Variants in NME5 observed in about 807,000 individuals in gnomAD.
The protein encoded by NME5 is nucleoside diphosphate kinase 5.
In NME5, 18 loss-of-function variants were observed where a neutral mutation model predicts 21.6. The ratio of observed to expected loss-of-function variants is 0.83; its 90% CI spans 0.58 to 1.24. The LOEUF (loss-of-function observed/expected upper bound fraction) is 1.24, where lower values mean the gene tolerates loss of function less well. Ranked by LOEUF, NME5 falls within the 50% of genes most tolerant of loss-of-function variation. The pLI, the probability that NME5 is intolerant of heterozygous loss-of-function variation, is 0.00. For synonymous variants in NME5, 70 were observed against 80.6 expected, an observed-to-expected ratio of 0.87 and a Z score of 0.71; for missense variants, 223 against 255.4, an observed-to-expected ratio of 0.87 and a Z score of 0.86.
chr5:138,138,856 C>T, intron 1 of NME5, 71 bp from the exon 2 acceptor site: 1 of 1,373,698 alleles, frequency 7.3e-7, no homozygotes, highest in South Asian at 1.3e-5. Flanking sequence ...CCCCCACCCC[C>T]ATCGCAAATT....
In NME5 at chr5:138,126,510, CAAAAAAAAA is replaced by C. The variant is rs57938582; in HGVS notation, c.436+1960_436+1968del. Among the ~76,000 whole-genome samples the C allele has an allele frequency of 1.3e-3, 70 of 54,228 alleles. 1 individual carries two copies. Among genetic ancestry groups the C allele is most frequent in the East Asian group, 2.4e-3 (4 of 1,676 alleles). 35.6% of individuals were successfully genotyped at this position (54,228 alleles called of 152,430 possible). ...TGGGCAACAGAGTGAGAATCTATCT[CAAAAAAAAA>C]AAAAAAAAAAAAAAAAAGAAAGAAA... is the stretch of plus-strand genomic sequence containing the variant. On this transcript the variant is annotated intron_variant, in intron 4 of 5. Coordinates refer to ENST00000265191, the MANE Select transcript of NME5 (RefSeq NM_003551.3).
chr5:138,136,178 C>G (rs981126060), intron 2 of NME5, among the ~76,000 whole-genome samples: 2 of 152,236 alleles, frequency 1.3e-5, no homozygotes, highest in African/African-American at 4.8e-5. Flanking sequence ...CAGGCACCTA[C>G]TGATGGGACT....
intron 5 of NME5, among the ~76,000 whole-genome samples, chr5:138,118,165 G>A (rs1353104716): frequency 2.7e-5 from 4 of 150,240 alleles, no homozygotes; most frequent in East Asian, 2.0e-4. Context: ...TCGCTCTGTT[G>A]CCCAGGCTGG....
intron 2 of NME5, among the ~76,000 whole-genome samples, chr5:138,132,247 G>A (rs2151167861): frequency 6.6e-6 from 1 of 152,278 alleles, no homozygotes; most frequent in African/African-American, 2.4e-5. Context: ...TTAATCGGGA[G>A]GCTGAGGCAC....
rs70979583 is a variant in NME5, at chr5:138,123,985, C to CTTT, written c.436+4491_436+4493dup. On this transcript the variant is annotated intron_variant, in intron 4 of 5. Coordinates refer to ENST00000265191, the MANE Select transcript of NME5 (RefSeq NM_003551.3). ...CCCTGATGATTAGTGATTTTGAGCACTTTTTTTTTTTTTTTTTTTTTTTTT... is the reference window on the plus strand; with the variant it reads ...CCCTGATGATTAGTGATTTTGAGCACTTTTTTTTTTTTTTTTTTTTTTTTTTTT... Among the ~76,000 whole-genome samples, 185 of 37,256 alleles carry CTTT rather than the reference C, an allele frequency of 5.0e-3. 61 individuals are homozygous for CTTT. Among genetic ancestry groups the CTTT allele is most frequent in the Middle Eastern group, 0.028 (1 of 36 alleles). 24.4% of individuals were successfully genotyped at this position (37,256 alleles called of 152,430 possible). A position where few individuals can be genotyped will look rare whatever the true frequency, so the allele number is the denominator to read the frequency against.
At chr5:138,132,209 A>T (rs1048699937) in intron 2 of NME5, among the ~76,000 whole-genome samples, 5 of 152,016 alleles carry the variant, frequency 3.3e-5, no homozygotes, top group Admixed American at 1.3e-4. Flanking sequence ...AAAATACAAA[A>T]ATTGGTGGTG....
chr5:138,138,439 T>G (rs1751767439), intron 2 of NME5: 1 of 433,382 alleles, frequency 2.3e-6, no homozygotes, highest in Admixed American at 4.3e-5. Context: ...GCCTGGGACT[T>G]GGGGTAAAAG....
chr5:138,136,141 C>T (rs962554761), intron 2 of NME5, among the ~76,000 whole-genome samples: 2 of 152,138 alleles, frequency 1.3e-5, no homozygotes, highest in Non-Finnish European at 2.9e-5. Context: ...AAAAAATAAC[C>T]TGCATATATA....
At chr5:138,122,113 C>T (rs1751296798) in intron 4 of NME5, among the ~76,000 whole-genome samples, 1 of 152,016 alleles carries the variant, frequency 6.6e-6, no homozygotes, top group African/African-American at 2.4e-5. Flanking sequence ...CTTTGTTTTT[C>T]AGTGTACAAG....
At chr5:138,130,722 C>G (rs1227632908) in intron 2 of NME5, among the ~76,000 whole-genome samples, 1 of 148,200 alleles carries the variant, frequency 6.7e-6, no homozygotes. Context: ...GTCAGGAGTT[C>G]GAGACTAGCC....
At chr5:138,123,654 G>A (rs1751335305) in intron 4 of NME5, among the ~76,000 whole-genome samples, 1 of 152,072 alleles carries the variant, frequency 6.6e-6, no homozygotes, top group African/African-American at 2.4e-5. Context: ...TGGTTATTGT[G>A]AATAATGCCA....
chr5:138,127,669 C>T lies in NME5; in HGVS notation c.436+810G>A, dbSNP rs931714333. On this transcript the variant is annotated intron_variant, in intron 4 of 5. Transcript: ENST00000265191. ...AACCAAAAACTTCAGTGTTCTTCCT[C>T]GTATGTCCACTTCTCAAAGGTTTAC... 5 of 984,786 alleles carry T rather than the reference C, an allele frequency of 5.1e-6. No individual in the cohort carries two copies. The African/African-American group carries it at 5.2e-5, about 10-fold the overall frequency. 61.0% of individuals were successfully genotyped at this position (984,786 alleles called of 1,614,324 possible). A position where few individuals can be genotyped will look rare whatever the true frequency, so the allele number is the denominator to read the frequency against.
At position 138,119,173 on chromosome 5, in the gene NME5, C is replaced by T. The variant is rs186765759; in HGVS notation, c.437-237G>A. Among the ~76,000 whole-genome samples the T allele has an allele frequency of 3.6e-4, 54 of 152,024 alleles. 1 individual carries two copies. The East Asian group carries it at 6.2e-3, about 17-fold the overall frequency. ...TTCCGAGTAGCTGGGACTACAGGTC[C>T]GCATCACCACACCCTGCTAATTTTT... On this transcript the variant is annotated intron_variant, in intron 4 of 5. Coordinates refer to ENST00000265191, the MANE Select transcript of NME5 (RefSeq NM_003551.3).
At chr5:138,139,212 T>C (rs909415379) in intron 1 of NME5, 159 bp downstream of exon 1, 1 of 255,674 alleles carries the variant, frequency 3.9e-6, no homozygotes, top group African/African-American at 2.3e-5. Context: ...CAGCGGCGGG[T>C]GAGCGGCCTC....
chr5:138,124,038 C>T (rs1751345833), intron 4 of NME5, among the ~76,000 whole-genome samples: 2 of 122,102 alleles, frequency 1.6e-5, no homozygotes, highest in Non-Finnish European at 3.2e-5. Flanking sequence ...TTCTTGTTGC[C>T]CAGGCTGGGG....
chr5:138,116,913 C>T (rs1034670678), intron 5 of NME5, among the ~76,000 whole-genome samples: 1 of 151,954 alleles, frequency 6.6e-6, no homozygotes, highest in African/African-American at 2.4e-5. Context: ...AGAGCTTAAA[C>T]AATAAACATC....
In NME5 at chr5:138,118,890, TAAA is replaced by T. The variant is rs749792493; in HGVS notation, c.480_482del (p.Tyr160_Leu161delinsTer). ...GCAGAGTTGGCATTATATGTAAATT[TAAA>T]TAGTCCTTAGCAGCTTGTCCAATTG... is the stretch of plus-strand genomic sequence containing the variant. On this transcript the variant is annotated stop_gained and inframe_deletion, in exon 5 of 6. Transcript: ENST00000265191. LOFTEE classifies it high-confidence loss of function. 1.9e-5 allele frequency: 30 copies of T among 1,613,668 alleles called. No individual in the cohort carries two copies. The highest frequency in any genetic ancestry group is 2.4e-5 in the Non-Finnish European group (28 of 1,179,586).
intron 4 of NME5, among the ~76,000 whole-genome samples, chr5:138,126,094 CTAAG>C (rs1431019448): frequency 6.6e-6 from 1 of 152,168 alleles, no homozygotes; most frequent in African/African-American, 2.4e-5. Context: ...CTACAATGTG[CTAAG>C]TAATTAATGA....
rs189301842 is a variant in NME5, at chr5:138,137,466, C to G, written c.129+1186G>C. 2.8e-4 allele frequency among the ~76,000 whole-genome samples: 43 copies of G among 151,864 alleles called. 2 individuals carry two copies. The South Asian group carries it at 7.3e-3, about 26-fold the overall frequency. ...CCAAGTAGCTGGGACTACAGGTGCA[C>G]GCCACCACGCCCAGCTAATTTTTGT... On this transcript the variant is annotated intron_variant, in intron 2 of 5. Transcript: ENST00000265191.
Sources: gnomAD v4.1 joint callset for allele counts (sites outside exome capture counted in the v4.1 genomes callset) on GRCh38, gnomAD v4.1.1 for gene constraint, MANE v1.5 for transcripts, NCBI Gene and HGNC (gene_info 2026-07-23, HGNC 2026-07-21) for gene names.